XPA: variants seen among roughly 807,000 people sequenced by gnomAD.
XPA encodes the protein XPA, DNA damage recognition and repair factor.
XPA carries 27 observed loss-of-function variants against 35.7 expected under a neutral mutation model. The observed-to-expected ratio is 0.76, with a 90% CI of 0.56 to 1.04. XPA has a LOEUF of 1.04. Ranked by LOEUF, XPA falls within the 50% of genes least tolerant of loss-of-function variation. XPA has a pLI of 0.00. For synonymous variants in XPA, 133 were observed against 118.4 expected, an observed-to-expected ratio of 1.12 and a Z score of -0.80; for missense variants, 354 against 342.7, an observed-to-expected ratio of 1.03 and a Z score of -0.26.
the XPA span, among the ~76,000 whole-genome samples, chr9:97,665,004 G>A: frequency 3.3e-5 from 5 of 152,296 alleles, no homozygotes; most frequent in African/African-American, 1.2e-4. Flanking sequence ...TTTGCTGTTT[G>A]GTTCTTATTT....
In XPA at chr9:97,697,121, C is replaced by T; in HGVS notation, c.172G>A (p.Gly58Ser). ...YSATAAAATG[G>S]MANVKAAPKI... ...GGGAAAGCGCGGACGCGGCCCAAAC[C>T]TCCAGTAGCCGCAGCCGCCGTCGCC... The change falls in exon 1 of 6, where the codon GGC becomes AGC. Residue 58 changes from glycine (G) to serine (S), a missense_variant and splice_region_variant. Coordinates refer to ENST00000375128, the MANE Select transcript of XPA (RefSeq NM_000380.4). 6.5e-7 allele frequency: 1 copy of T among 1,546,186 alleles called. No individual in the cohort carries two copies. Among genetic ancestry groups the T allele is most frequent in the Non-Finnish European group, 8.7e-7 (1 of 1,148,300 alleles).
At chr9:97,689,717 C>A (rs1351971726) in intron 2 of XPA, 78 bp from the exon 3 acceptor site, 1 of 817,406 alleles carries the variant, frequency 1.2e-6, no homozygotes, top group African/African-American at 1.7e-5. Context: ...ATTAGCTTAT[C>A]AGCATGTATG....
chr9:97,690,803 G>A (rs956487976), intron 2 of XPA, among the ~76,000 whole-genome samples: 5 of 152,204 alleles, frequency 3.3e-5, no homozygotes, highest in Non-Finnish European at 7.3e-5. Flanking sequence ...GATTACAGGC[G>A]TGAGCCACCG....
intron 1 of XPA, 69 bp downstream of exon 1, chr9:97,697,052 T>C: frequency 6.8e-7 from 1 of 1,468,418 alleles, no homozygotes; most frequent in Non-Finnish European, 9.0e-7. Context: ...GGGACTCGGC[T>C]TGCACGAGCC....
At chr9:97,666,384 A>G in the XPA span, among the ~76,000 whole-genome samples, 1 of 152,214 alleles carries the variant, frequency 6.6e-6, no homozygotes, top group Admixed American at 6.5e-5. Flanking sequence ...TTAGGTCACC[A>G]TTTTGAGAAA....
chr9:97,670,790 T>TA (rs1554698030), downstream of XPA, among the ~76,000 whole-genome samples: 8 of 152,216 alleles, frequency 5.3e-5, no homozygotes, highest in Non-Finnish European at 1.2e-4. Flanking sequence ...TAGTCCGTAA[T>TA]AGTACTAGGA....
At chr9:97,688,450 G>T (rs190721138) in intron 3 of XPA, among the ~76,000 whole-genome samples, 1 of 152,240 alleles carries the variant, frequency 6.6e-6, no homozygotes, top group African/African-American at 2.4e-5. Context: ...TCCCCATCTC[G>T]AGGTCTTTAA....
chr9:97,688,935 TATCA>T (rs933446210), intron 3 of XPA, among the ~76,000 whole-genome samples: 5 of 151,970 alleles, frequency 3.3e-5, no homozygotes, highest in African/African-American at 1.2e-4. Context: ...GTGCAAAAGA[TATCA>T]ACACAGCATT....
intron 5 of XPA, chr9:97,675,808 G>A (rs1587736466): frequency 5.0e-6 from 3 of 599,632 alleles, no homozygotes; most frequent in Admixed American, 2.8e-5. Flanking sequence ...TGTCACTGGA[G>A]CAGTGTGAAA....
chr9:97,697,301 C>T lies in XPA; in HGVS notation c.-9G>A, dbSNP rs1359655991. The T allele has an allele frequency of 6.3e-7, 1 of 1,597,518 alleles. No individual in the cohort carries two copies. The highest frequency in any genetic ancestry group is 8.5e-7 in the Non-Finnish European group (1 of 1,179,184). On this transcript the variant is annotated 5_prime_UTR_variant, in exon 1 of 6. Transcript: ENST00000375128. ...CCGTCGGCCGCCGCCATCTCTGGCC[C>T]ACTCCGAGGACCTAGCTCCCAGCTC...
the XPA span, chr9:97,655,965 G>A: frequency 1.4e-5 from 22 of 1,540,044 alleles, no homozygotes; most frequent in Non-Finnish European, 1.8e-5. Context: ...ATGGGTGTAA[G>A]TGCAGATTAT....
At chr9:97,678,505 G>A (rs1329764383) in intron 5 of XPA, among the ~76,000 whole-genome samples, 1 of 152,184 alleles carries the variant, frequency 6.6e-6, no homozygotes, top group African/African-American at 2.4e-5. Flanking sequence ...AGTAAGGACA[G>A]AAATGAACCA....
At chr9:97,661,293 A>G in the XPA span, among the ~76,000 whole-genome samples, 1 of 152,216 alleles carries the variant, frequency 6.6e-6, no homozygotes, top group African/African-American at 2.4e-5. Flanking sequence ...CGTAAATACA[A>G]AGTGAAATAT....
the XPA span, chr9:97,661,028 T>G: frequency 6.2e-7 from 1 of 1,612,886 alleles, no homozygotes; most frequent in African/African-American, 1.3e-5. Flanking sequence ...TCTTCAGCAT[T>G]CTGAAAGATG....
intron 5 of XPA, among the ~76,000 whole-genome samples, chr9:97,682,890 T>A (rs1294235170): frequency 6.6e-6 from 1 of 152,202 alleles, no homozygotes; most frequent in African/African-American, 2.4e-5. Context: ...ATATGCCACA[T>A]AGAATTCTTA....
intron 5 of XPA, among the ~76,000 whole-genome samples, chr9:97,679,657 T>C (rs1828476313): frequency 6.6e-6 from 1 of 152,166 alleles, no homozygotes; most frequent in African/African-American, 2.4e-5. Context: ...TCCAATATAA[T>C]AACTAAAGTA....
At chr9:97,684,296 T>C (rs1828638793) in intron 5 of XPA, among the ~76,000 whole-genome samples, 1 of 152,210 alleles carries the variant, frequency 6.6e-6, no homozygotes, top group South Asian at 2.1e-4. Context: ...CAGACATACA[T>C]ACCTGGATGG....
At chr9:97,686,068 ATGTT>A (rs1828707541) in intron 4 of XPA, among the ~76,000 whole-genome samples, 1 of 152,224 alleles carries the variant, frequency 6.6e-6, no homozygotes, top group East Asian at 1.9e-4. Context: ...ACAATAGTGA[ATGTT>A]CTAATCAACA....
intron 1 of XPA, among the ~76,000 whole-genome samples, chr9:97,694,847 A>G (rs1263029536): frequency 2.0e-5 from 3 of 152,350 alleles, no homozygotes; most frequent in African/African-American, 2.4e-5. Context: ...CAAAGTGGAA[A>G]CAACCCAAAT....
Sources: allele counts gnomAD v4.1 joint callset (sites outside exome capture counted in the v4.1 genomes callset), GRCh38; gene constraint gnomAD v4.1.1; transcripts MANE v1.5; gene names NCBI Gene and HGNC (gene_info 2026-07-23, HGNC 2026-07-21).